MICU1: variants seen among roughly 807,000 people sequenced by gnomAD.
The protein encoded by MICU1 is calcium uptake protein 1, mitochondrial.
In MICU1, 45 loss-of-function variants were observed where a neutral mutation model predicts 56.8. That is an observed-to-expected ratio of 0.79 (90% confidence interval 0.62 to 1.02). MICU1 has a LOEUF of 1.02. MICU1 is among the 50% of genes least tolerant of loss of function. The probability of loss-of-function intolerance (pLI) is 0.00; values close to 1 mark genes in which losing one functional copy is unlikely to be tolerated. For missense variants in MICU1, 504 were observed against 587.1 expected (o/e 0.86, Z 1.46); for synonymous variants, 186 against 195.1 (o/e 0.95, Z 0.39).
chr10:72,480,900 A>G (rs192110121), intron 6 of MICU1, among the ~76,000 whole-genome samples: 20 of 152,358 alleles, frequency 1.3e-4, no homozygotes, highest in Admixed American at 1.3e-3. Context: ...AATACACTTT[A>G]CCAAACAAAG....
chr10:72,436,779 C>T (rs932448517), intron 8 of MICU1, among the ~76,000 whole-genome samples: 1 of 152,076 alleles, frequency 6.6e-6, no homozygotes, highest in Admixed American at 6.6e-5. Flanking sequence ...CAAGCTTCAG[C>T]AGCCGATTCG....
intron 8 of MICU1, among the ~76,000 whole-genome samples, chr10:72,454,412 C>T (rs1865392548): frequency 6.6e-6 from 1 of 151,772 alleles, no homozygotes; most frequent in Non-Finnish European, 1.5e-5. Context: ...TGAGATCATG[C>T]CATTGCACTC....
intron 1 of MICU1, among the ~76,000 whole-genome samples, chr10:72,622,513 C>G (rs1011935380): frequency 6.6e-6 from 1 of 152,138 alleles, no homozygotes; most frequent in African/African-American, 2.4e-5. Flanking sequence ...AATGAAACTA[C>G]CATACAGTGG....
intron 8 of MICU1, among the ~76,000 whole-genome samples, chr10:72,463,694 T>C (rs1411518693): frequency 2.0e-5 from 3 of 152,194 alleles, no homozygotes; most frequent in Admixed American, 2.0e-4. Flanking sequence ...AAAATTCCTA[T>C]CACCTAGTGA....
At chr10:72,551,067 G>T in intron 4 of MICU1, 112 bp downstream of exon 4, 1 of 1,058,098 alleles carries the variant, frequency 9.5e-7, no homozygotes, top group Non-Finnish European at 1.3e-6. Flanking sequence ...TAGACACACT[G>T]TTCATATCAT....
intron 9 of MICU1, among the ~76,000 whole-genome samples, chr10:72,410,929 C>A (rs1181785887): frequency 6.6e-6 from 1 of 152,104 alleles, no homozygotes. Flanking sequence ...CCTTTCCCTG[C>A]CATCAAAAGA....
intron 1 of MICU1, among the ~76,000 whole-genome samples, chr10:72,590,956 C>T (rs1396335157): frequency 2.6e-5 from 4 of 151,032 alleles, no homozygotes; most frequent in South Asian, 2.1e-4. Flanking sequence ...CTCGAGGGTA[C>T]GTGGAACATT....
chr10:72,573,395 A>T (rs185006775), intron 1 of MICU1, among the ~76,000 whole-genome samples: 219 of 151,904 alleles, frequency 1.4e-3, no homozygotes, highest in South Asian at 5.2e-3. Flanking sequence ...AAAAGGAGAA[A>T]ATAAGAACGC....
chr10:72,482,092 T>C (rs143329853), intron 6 of MICU1, among the ~76,000 whole-genome samples: 8 of 152,350 alleles, frequency 5.3e-5, no homozygotes, highest in African/African-American at 1.9e-4. Flanking sequence ...TTGAGTCACA[T>C]AATCAGATAA....
At chr10:72,591,786 G>A (rs1841231876) in intron 1 of MICU1, among the ~76,000 whole-genome samples, 1 of 152,020 alleles carries the variant, frequency 6.6e-6, no homozygotes, top group Non-Finnish European at 1.5e-5. Context: ...ACTTTGGGAG[G>A]TCAAGGCAGG....
chr10:72,469,588 T>C (rs1231780545), intron 8 of MICU1, among the ~76,000 whole-genome samples: 1 of 152,190 alleles, frequency 6.6e-6, no homozygotes, highest in Non-Finnish European at 1.5e-5. Flanking sequence ...CTTTCAATCA[T>C]CCAAGTGAGA....
chr10:72,491,793 C>CT lies in MICU1; in HGVS notation c.653-14538dup, dbSNP rs199564269. ...CATTATAAGAATCTAATATTCTTTC[C>CT]TTTTTTTTTAATTTCTGCGTACAGA... On this transcript the variant is annotated intron_variant, in intron 6 of 11. Transcript: ENST00000361114. Among the ~76,000 whole-genome samples, 389 of 151,002 alleles carry CT rather than the reference C, an allele frequency of 2.6e-3. 1 individual carries two copies. Among genetic ancestry groups the CT allele is most frequent in the African/African-American group, 8.9e-3 (366 of 41,122 alleles).
chr10:72,446,424 G>C (rs772820469), intron 8 of MICU1, among the ~76,000 whole-genome samples: 6 of 151,384 alleles, frequency 4.0e-5, no homozygotes, highest in African/African-American at 1.5e-4. Context: ...TCCACCTCTC[G>C]GGTTCCAGTG....
intron 5 of MICU1, among the ~76,000 whole-genome samples, chr10:72,511,605 G>A (rs1336341067): frequency 6.6e-6 from 1 of 152,156 alleles, no homozygotes; most frequent in East Asian, 1.9e-4. Flanking sequence ...GTCTTTTCAT[G>A]AGATAAGTTA....
At chr10:72,474,331 T>G (rs1866047005) in intron 8 of MICU1, among the ~76,000 whole-genome samples, 1 of 150,688 alleles carries the variant, frequency 6.6e-6, no homozygotes, top group Non-Finnish European at 1.5e-5. Context: ...GTAAGAGAAT[T>G]TTTAAAAATG....
Position 72,615,786 on chromosome 10 carries a change from C to T in MICU1, c.-2+10224G>A, listed in dbSNP as rs1045938922. Among the ~76,000 whole-genome samples, 9 of 151,932 alleles carry T rather than the reference C, an allele frequency of 5.9e-5. No homozygotes were observed. The South Asian group carries it at 1.2e-3, about 21-fold the overall frequency. Reference sequence around the variant, plus strand: ...AGGGTGGATCACAAGGTCAGGAGATCGAGACCATCCTGGCTAACACAGTGA... The same window carrying T: ...AGGGTGGATCACAAGGTCAGGAGATTGAGACCATCCTGGCTAACACAGTGA... On this transcript the variant is annotated intron_variant, in intron 1 of 11. Transcript: ENST00000361114.
chr10:72,576,225 C>CAAAAAAAA (rs34829939), intron 1 of MICU1, among the ~76,000 whole-genome samples: 5 of 68,200 alleles, frequency 7.3e-5, no homozygotes, highest in South Asian at 6.3e-4. Flanking sequence ...AAAAAAACAC[C>CAAAAAAAA]AAAAAAAAAA....
intron 1 of MICU1, among the ~76,000 whole-genome samples, chr10:72,571,007 T>C (rs1840596559): frequency 6.6e-6 from 1 of 152,182 alleles, no homozygotes; most frequent in African/African-American, 2.4e-5. Context: ...TATTCATCAC[T>C]GACAACAGAA....
At chr10:72,530,372 A>AATAATG (rs538954555) in intron 5 of MICU1, among the ~76,000 whole-genome samples, 4,667 of 143,938 alleles carry the variant, frequency 0.032, 249 homozygotes, top group African/African-American at 0.098. Flanking sequence ...TAATAATAAT[A>AATAATG]ATGCCAGAAT....
Sources: gnomAD v4.1 joint callset for allele counts (sites outside exome capture counted in the v4.1 genomes callset) on GRCh38, gnomAD v4.1.1 for gene constraint, MANE v1.5 for transcripts, NCBI Gene and HGNC (gene_info 2026-07-23, HGNC 2026-07-21) for gene names.